TMEM68: variants seen among roughly 807,000 people sequenced by gnomAD.
The protein encoded by TMEM68 is DGAT1/2-independent enzyme synthesizing storage lipids.
In TMEM68, 25 loss-of-function variants were observed where a neutral mutation model predicts 36.9. That is an observed-to-expected ratio of 0.68 (90% CI 0.49 to 0.95). The LOEUF (loss-of-function observed/expected upper bound fraction) is 0.95. Among genes scored for constraint, TMEM68 ranks in the 40% least tolerant of loss-of-function variants. The pLI is 0.00. For synonymous variants in TMEM68, 131 were observed against 124.4 expected (o/e 1.05, Z -0.35); for missense variants, 333 against 392.0 (o/e 0.85, Z 1.27).
chr8:55,762,061 A>C (rs1810808205), intron 3 of TMEM68: 1 of 152,218 alleles, frequency 6.6e-6, no homozygotes, highest in Non-Finnish European at 1.5e-5. Flanking sequence ...ACAAAGAAGA[A>C]CCACCAATCA....
At chr8:55,742,915 C>T (rs1457110337) in intron 7 of TMEM68, among the ~76,000 whole-genome samples, 3 of 151,768 alleles carry the variant, frequency 2.0e-5, no homozygotes, top group African/African-American at 7.3e-5. Context: ...CATTACTGAC[C>T]ATTCCCACTT....
chr8:55,752,697 A>G (rs536907178), intron 4 of TMEM68, among the ~76,000 whole-genome samples: 51 of 151,774 alleles, frequency 3.4e-4, no homozygotes, highest in African/African-American at 1.2e-3. Flanking sequence ...GGATTCATAC[A>G]TAATAGGATA....
intron 7 of TMEM68, among the ~76,000 whole-genome samples, chr8:55,740,912 A>G (rs118114564): frequency 0.019 from 2,855 of 152,322 alleles, 44 homozygotes; most frequent in Middle Eastern, 0.054. Flanking sequence ...AAAGAAAATA[A>G]ACACTAGGCC....
intron 4 of TMEM68, chr8:55,751,420 C>A (rs1057206122): frequency 2.2e-5 from 9 of 411,054 alleles, no homozygotes; most frequent in Non-Finnish European, 3.9e-5. Context: ...CTTGGGCTTA[C>A]AGAATAATAG....
intron 7 of TMEM68, among the ~76,000 whole-genome samples, chr8:55,741,482 A>G (rs1166953234): frequency 6.6e-6 from 1 of 152,184 alleles, no homozygotes; most frequent in African/African-American, 2.4e-5. Context: ...CTCTAATCTC[A>G]AGGAGCTCAT....
chr8:55,765,169 G>A (rs1419264716), intron 1 of TMEM68, among the ~76,000 whole-genome samples: 1 of 152,162 alleles, frequency 6.6e-6, no homozygotes, highest in Non-Finnish European at 1.5e-5. Context: ...CTACTAAAAA[G>A]GTCTTCCTTA....
chr8:55,745,188 A>G, intron 5 of TMEM68, 67 bp from the exon 6 acceptor site: 2 of 1,038,832 alleles, frequency 1.9e-6, no homozygotes, highest in African/African-American at 3.3e-5. Flanking sequence ...CCATTAGAGT[A>G]ACTAATGCAA....
At chr8:55,743,336 G>A (rs1478764961) in intron 7 of TMEM68, 145 bp downstream of exon 7, 3 of 1,049,098 alleles carry the variant, frequency 2.9e-6, no homozygotes, top group African/African-American at 1.6e-5. Context: ...ATTAGCAAAT[G>A]TTCCCTAGGG....
intron 1 of TMEM68, among the ~76,000 whole-genome samples, chr8:55,769,580 C>T (rs769295866): frequency 6.6e-6 from 1 of 151,958 alleles, no homozygotes; most frequent in African/African-American, 2.4e-5. Flanking sequence ...CTTTCTGGCA[C>T]ATAGTAGGCA....
chr8:55,751,389 C>T, intron 4 of TMEM68: 1 of 463,724 alleles, frequency 2.2e-6, no homozygotes, highest in South Asian at 2.7e-5. Context: ...TATTCTTCTC[C>T]CCACTTTACA....
At chr8:55,745,928 A>G (rs575276107) in intron 5 of TMEM68, 1 of 152,324 alleles carries the variant, frequency 6.6e-6, no homozygotes, top group South Asian at 2.1e-4. Context: ...AATTGGTAAA[A>G]TTTTTTGTGA....
intron 2 of TMEM68, chr8:55,763,717 C>CAAGTTTTT (rs1810878110): frequency 1.3e-4 from 6 of 47,068 alleles, no homozygotes; most frequent in South Asian, 6.7e-4. Context: ...CAAAAGAAAA[C>CAAGTTTTT]ATCAATATCT....
intron 7 of TMEM68, among the ~76,000 whole-genome samples, chr8:55,742,450 A>G (rs1313878813): frequency 6.6e-6 from 1 of 152,170 alleles, no homozygotes; most frequent in Non-Finnish European, 1.5e-5. Flanking sequence ...GTTTTACCAT[A>G]ATGTTTTTAC....
At chr8:55,751,727 A>T (rs776333313) in intron 4 of TMEM68, among the ~76,000 whole-genome samples, 34 of 152,228 alleles carry the variant, frequency 2.2e-4, no homozygotes, top group Non-Finnish European at 1.3e-4. Flanking sequence ...TGCTTGACTC[A>T]AGAGCAGCTA....
intron 1 of TMEM68, among the ~76,000 whole-genome samples, chr8:55,767,885 G>A (rs962645037): frequency 2.0e-5 from 3 of 152,130 alleles, no homozygotes; most frequent in Admixed American, 1.3e-4. Flanking sequence ...GCAGTGAGCC[G>A]AGATCATGCC....
At chr8:55,771,441 AAC>A (rs10612593) in intron 1 of TMEM68, among the ~76,000 whole-genome samples, 71,572 of 149,216 alleles carry the variant, frequency 0.48, 17,198 homozygotes, top group East Asian at 0.59. Context: ...GTCTCTACAA[AAC>A]ACACACACAC....
chr8:55,769,727 GGCTCAA>G (rs1811095003), intron 1 of TMEM68, among the ~76,000 whole-genome samples: 1 of 151,954 alleles, frequency 6.6e-6, no homozygotes, highest in African/African-American at 2.4e-5. Context: ...CCACCTCCCA[GGCTCAA>G]GCAGTTCTCA....
chr8:55,743,665 G>C lies in TMEM68; in HGVS notation c.749-45C>G, dbSNP rs988561593. The C allele has an allele frequency of 8.0e-6, 12 of 1,494,204 alleles. No individual in the cohort carries two copies. In the South Asian group the frequency reaches 1.5e-4, roughly 19 times the overall value. The allele number at this position is 1,494,204 out of a possible 1,614,324, so 92.6% of individuals were successfully genotyped here. A position where few individuals can be genotyped will look rare whatever the true frequency, so the allele number is the denominator to read the frequency against. On this transcript the variant is annotated intron_variant, in intron 6 of 7. Transcript: ENST00000434581. ...ATCATTTTAACTTGTTAAGTATTCT[G>C]ACCATGTAACTGTAAACTTTCAAAT...
intron 5 of TMEM68, chr8:55,745,836 A>T (rs1362909952): frequency 6.6e-6 from 1 of 152,234 alleles, no homozygotes; most frequent in Admixed American, 6.5e-5. Flanking sequence ...TGTTAGGATT[A>T]CAGGCGTGAG....
Sources: allele counts gnomAD v4.1 joint callset (sites outside exome capture counted in the v4.1 genomes callset), GRCh38; gene constraint gnomAD v4.1.1; transcripts MANE v1.5; gene names NCBI Gene and HGNC (gene_info 2026-07-23, HGNC 2026-07-21).